CROCC: variants seen among roughly 807,000 people sequenced by gnomAD.
The protein encoded by CROCC is rootletin.
In CROCC, 180 loss-of-function variants were observed where a neutral mutation model predicts 245.2. That is an observed-to-expected ratio of 0.73 (90% confidence interval 0.65 to 0.83). The LOEUF (loss-of-function observed/expected upper bound fraction) is 0.83. CROCC is among the 40% of genes least tolerant of loss of function. CROCC has a pLI of 0.00. For synonymous variants in CROCC, 1,205 were observed against 1,241.6 expected (o/e 0.97, Z 0.62); for missense variants, 2,688 against 2,779.4 (o/e 0.97, Z 0.74).
chr1:16,931,729 A>G lies in CROCC; in HGVS notation c.956+332A>G, dbSNP rs370846905. Among the ~76,000 whole-genome samples, 291 of 152,352 alleles carry G rather than the reference A, an allele frequency of 1.9e-3. 2 individuals carry two copies. The highest frequency in any genetic ancestry group is 3.6e-3 in the Non-Finnish European group (248 of 68,024). On this transcript the variant is annotated intron_variant, in intron 8 of 36. Coordinates refer to ENST00000375541, the MANE Select transcript of CROCC (RefSeq NM_014675.5). ...TCTTCCTGAGGTCACACAGTAGTAC[A>G]TAAGTGGCTGAGTCAGAGTTTGAAG...
At position 16,924,386 on chromosome 1, in the gene CROCC, G is replaced by A. The variant is rs765351234; in HGVS notation, c.258G>A (p.Leu86=). Residue 86 remains leucine (L), a synonymous_variant, in exon 3 of 37, where the codon CTG becomes CTA. Coordinates refer to ENST00000375541, the MANE Select transcript of CROCC (RefSeq NM_014675.5). ...CGCTGCAGGAGGAGAACCAGCTGCT[G>A]CAGCAGGAGCTGTCCCGCGTGGAGG... ...LLSLQEENQL[L]QQELSRVEDL... The A allele has an allele frequency of 1.2e-6, 2 of 1,613,168 alleles. No individual in the cohort carries two copies. Among genetic ancestry groups the A allele is most frequent in the East Asian group, 2.2e-5 (1 of 44,896 alleles).
chr1:16,949,873 G>A (rs1251777126), intron 19 of CROCC, among the ~76,000 whole-genome samples: 1 of 152,006 alleles, frequency 6.6e-6, no homozygotes, highest in South Asian at 2.1e-4. Flanking sequence ...GGGTTCAAGC[G>A]ATTCTCCTGC....
chr1:16,964,377 C>G (rs890257223), intron 27 of CROCC, among the ~76,000 whole-genome samples: 1 of 147,354 alleles, frequency 6.8e-6, no homozygotes, highest in Non-Finnish European at 1.5e-5. Flanking sequence ...CTTTTCTTTT[C>G]TTTCCTCTTC....
chr1:16,936,591 T>C (rs2075792412), intron 8 of CROCC, 46 bp from the exon 9 acceptor site: 3 of 1,504,654 alleles, frequency 2.0e-6, no homozygotes, highest in African/African-American at 2.8e-5. Context: ...TAATTTGTAG[T>C]TGGGAGCAAG....
intron 20 of CROCC, among the ~76,000 whole-genome samples, chr1:16,951,657 G>A (rs1456475300): frequency 6.6e-6 from 1 of 152,248 alleles, no homozygotes; most frequent in Non-Finnish European, 1.5e-5. Flanking sequence ...TTAGCATAGT[G>A]ACTGGTACTT....
chr1:16,949,026 G>A (rs2076114909), intron 19 of CROCC, 100 bp downstream of exon 19: 12 of 1,479,788 alleles, frequency 8.1e-6, no homozygotes, highest in Non-Finnish European at 1.0e-5. Context: ...ACTGGAGTAG[G>A]AGTCTGGCTG....
chr1:16,971,013 A>G, intron 35 of CROCC: 2 of 464,726 alleles, frequency 4.3e-6, no homozygotes, highest in Non-Finnish European at 7.5e-6. Flanking sequence ...CAGCAGTGTG[A>G]GAATCCATGT....
Position 16,955,544 on chromosome 1 carries a change from G to A in CROCC, c.3698G>A (p.Arg1233His), listed in dbSNP as rs1227996959. The A allele has an allele frequency of 1.0e-5, 16 of 1,532,170 alleles. No homozygotes were observed. Among genetic ancestry groups the A allele is most frequent in the South Asian group, 5.0e-5 (4 of 79,218 alleles). 94.9% of individuals were successfully genotyped at this position (1,532,170 alleles called of 1,614,324 possible). A position where few individuals can be genotyped will look rare whatever the true frequency, so the allele number is the denominator to read the frequency against. ...RSAVKKAESE[R>H]ISLKLANEDK... ...GCTGTGAAGAAGGCAGAGAGCGAGC[G>A]CATCAGGTGGGGTGTCGCAGGAGGA... Residue 1233 changes from arginine (R) to histidine (H), a missense_variant, in exon 24 of 37, where the codon CGC becomes CAC. Around this residue, in one of 9 missense-constraint regions of CROCC, gnomAD observed 1,218 missense variants for 1,286.3 expected, o/e 0.95. Coordinates refer to ENST00000375541, the MANE Select transcript of CROCC (RefSeq NM_014675.5).
Position 16,965,902 on chromosome 1 carries a change from G to C in CROCC, c.4575+10G>C. 6.2e-7 allele frequency: 1 copy of C among 1,611,342 alleles called. No individual in the cohort carries two copies. The highest frequency in any genetic ancestry group is 8.5e-7 in the Non-Finnish European group (1 of 1,178,300). On this transcript the variant is annotated intron_variant, in intron 28 of 36. Transcript: ENST00000375541. ...TGCCCAGAGAGAACGGGTAAGCCTGGGTGTGCATGGCTGGATGGGGAACCT... is the reference window on the plus strand; with the variant it reads ...TGCCCAGAGAGAACGGGTAAGCCTGCGTGTGCATGGCTGGATGGGGAACCT...
chr1:16,961,251 C>A (rs1400762108), intron 27 of CROCC, 121 bp downstream of exon 27: 7 of 1,019,180 alleles, frequency 6.9e-6, no homozygotes, highest in Non-Finnish European at 8.8e-6. Flanking sequence ...CCCACCACAC[C>A]TCTCCACTGA....
chr1:16,955,698 G>T (rs961391479), intron 24 of CROCC, 148 bp downstream of exon 24: 1 of 848,540 alleles, frequency 1.2e-6, no homozygotes, highest in Admixed American at 3.0e-5. Context: ...TTTTAGGAAG[G>T]TTTCCTCCCT....
In CROCC at chr1:16,966,338, C is replaced by A; in HGVS notation, c.4697-70C>A. ...TGCACTGGGTGGAGTGCAGGCTGGACATTTTGTGACCTGGTTTGGGTCTCG... is the reference window on the plus strand; with the variant it reads ...TGCACTGGGTGGAGTGCAGGCTGGAAATTTTGTGACCTGGTTTGGGTCTCG... On this transcript the variant is annotated intron_variant, in intron 29 of 36. Coordinates refer to ENST00000375541, the MANE Select transcript of CROCC (RefSeq NM_014675.5). The surrounding 1 kb of genome is among the most constrained non-coding windows in gnomAD (Gnocchi z 4.8). The A allele has an allele frequency of 6.8e-7, 1 of 1,463,480 alleles. No homozygotes were observed. 90.7% of individuals were successfully genotyped at this position (1,463,480 alleles called of 1,614,324 possible).
intron 13 of CROCC, among the ~76,000 whole-genome samples, chr1:16,941,745 A>G (rs1466800317): frequency 1.3e-5 from 2 of 152,264 alleles, no homozygotes; most frequent in Admixed American, 1.3e-4. Context: ...AAAAAAAAAA[A>G]AAGAAAAAAT....
upstream of CROCC, among the ~76,000 whole-genome samples, chr1:16,920,440 G>A (rs1381732841): frequency 5.3e-5 from 8 of 152,184 alleles, no homozygotes; most frequent in African/African-American, 9.6e-5. Context: ...TGATCTGCCC[G>A]CCTCAGCCTC....
intron 24 of CROCC, 84 bp from the exon 25 acceptor site, chr1:16,955,913 C>T: frequency 1.3e-6 from 2 of 1,505,826 alleles, no homozygotes; most frequent in Non-Finnish European, 1.8e-6. Context: ...TGATCCACTC[C>T]AGAAATTGGA....
Position 16,969,119 on chromosome 1 carries a change from GC to G in CROCC, c.5082del (p.Asp1695ThrfsTer4). On this transcript the variant is annotated frameshift_variant, in exon 32 of 37. Transcript: ENST00000375541. LOFTEE classifies it high-confidence loss of function. Reference protein sequence around the residue: ...DRVDSLQRQVADSEVKAGTLQ... With the variant: ...DRVDSLQRQVXDSEVKAGTLQ... Reference sequence around the variant, plus strand: ...GTTCTGGCTGTCCTCCTGCCAGGTGGCCGACAGCGAGGTGAAGGCAGGGACC... The same window carrying G: ...GTTCTGGCTGTCCTCCTGCCAGGTGGCGACAGCGAGGTGAAGGCAGGGACC... 1 of 1,597,238 alleles carries G rather than the reference GC, an allele frequency of 6.3e-7. No homozygotes were observed. The highest frequency in any genetic ancestry group is 8.5e-7 in the Non-Finnish European group (1 of 1,172,838).
At position 16,960,966 on chromosome 1, in the gene CROCC, G is replaced by T; in HGVS notation, c.4241G>T (p.Gly1414Val). 1 of 1,373,218 alleles carries T rather than the reference G, an allele frequency of 7.3e-7. No individual in the cohort carries two copies. Among genetic ancestry groups the T allele is most frequent in the Non-Finnish European group, 9.3e-7 (1 of 1,072,260 alleles). The allele number at this position is 1,373,218 out of a possible 1,614,324, so 85.1% of individuals were successfully genotyped here. The part of the protein sequence containing the change: ...RLSAAEGRAQ[G>V]LEAELARVEV... ...AGCGCAGCCGAGGGCCGGGCACAAG[G>T]CCTGGAGGCCGAGCTGGCCCGCGTG... Residue 1414 changes from glycine to valine, a missense_variant, in exon 27 of 37, where the codon GGC becomes GTC. Physicochemically the swap from Gly to Val is moderately radical, Grantham distance 109. Coordinates refer to ENST00000375541, the MANE Select transcript of CROCC (RefSeq NM_014675.5).
rs371693254 is a variant in CROCC at position 16,930,169 on chromosome 1, C to T, written c.583C>T (p.Leu195=). The T allele has an allele frequency of 5.6e-6, 9 of 1,594,068 alleles. No homozygotes were observed. Among genetic ancestry groups the T allele is most frequent in the African/African-American group, 2.7e-5 (2 of 74,638 alleles). The change falls in exon 5 of 37, where the codon CTG becomes TTG. Residue 195 remains leucine (L), a synonymous_variant. Coordinates refer to ENST00000375541, the MANE Select transcript of CROCC (RefSeq NM_014675.5). ...GTGCTCGGAGCTGGAGCAGCAGCTG[C>T]TGGAGAGATCCGGAGAGCTGGAGCA... ...KRCSELEQQL[L]ERSGELEQQR...
intron 3 of CROCC, among the ~76,000 whole-genome samples, chr1:16,928,001 A>G (rs2075574732): frequency 6.6e-6 from 1 of 152,274 alleles, no homozygotes; most frequent in Non-Finnish European, 1.5e-5. Context: ...AACATCTCTC[A>G]GCATATGGGG....
Sources: gnomAD v4.1 joint callset for allele counts (sites outside exome capture counted in the v4.1 genomes callset) on GRCh38, gnomAD v4.1.1 for gene constraint, gnomAD v4.1.1 regional missense constraint, Gnocchi (gnomAD v3.1) non-coding constraint, MANE v1.5 for transcripts, NCBI Gene and HGNC (gene_info 2026-07-23, HGNC 2026-07-21) for gene names.